The following PAAF1 variants were observed in gnomAD, a reference collection of about 807,000 sequenced individuals.
The protein encoded by PAAF1 is proteasomal ATPase-associated factor 1.
In PAAF1, 46 loss-of-function variants were observed where a neutral mutation model predicts 52.8. The observed-to-expected ratio is 0.87, with a 90% CI of 0.69 to 1.11. The LOEUF (loss-of-function observed/expected upper bound fraction) is 1.11. Among genes scored for constraint, PAAF1 ranks in the 50% most tolerant of loss-of-function variants. PAAF1 has a pLI of 0.00. For synonymous variants in PAAF1, 178 were observed against 172.8 expected (o/e 1.03, Z -0.24); for missense variants, 424 against 477.4 (o/e 0.89, Z 1.04).
At chr11:73,919,215 C>T (rs1301922655) in intron 10 of PAAF1, among the ~76,000 whole-genome samples, 183 bp downstream of exon 10, 1 of 152,224 alleles carries the variant, frequency 6.6e-6, no homozygotes, top group African/African-American at 2.4e-5. Context: ...CCAGTTCAAA[C>T]TCCTTGAGGG....
In PAAF1 at chr11:73,922,160, A is replaced by G. The variant is rs563999420; in HGVS notation, c.1019-2455A>G. On this transcript the variant is annotated intron_variant, in intron 10 of 11. Coordinates refer to ENST00000310571, the MANE Select transcript of PAAF1 (RefSeq NM_025155.3). The stretch of plus-strand genomic sequence containing the variant: ...CCATGTTTCCAATGAGTTCAGTGTC[A>G]GGATCCATGAGAGAAGAGTGGTAAG... The G allele has an allele frequency of 3.2e-5, 29 of 897,504 alleles. No individual in the cohort carries two copies. The African/African-American group carries it at 4.6e-4, about 14-fold the overall frequency. The allele number at this position is 897,504 out of a possible 1,614,324, so 55.6% of individuals were successfully genotyped here.
chr11:73,905,408 G>A (rs1418081350), intron 6 of PAAF1, among the ~76,000 whole-genome samples: 2 of 152,036 alleles, frequency 1.3e-5, no homozygotes, highest in African/African-American at 4.8e-5. Flanking sequence ...ATTTTTAGAA[G>A]AAACTGGGTT....
intron 2 of PAAF1, 85 bp downstream of exon 2, chr11:73,878,904 C>A: frequency 7.6e-7 from 1 of 1,308,428 alleles, no homozygotes; most frequent in Non-Finnish European, 1.1e-6. Context: ...TTCTCCTGGC[C>A]CAGCCTCCTT....
intron 4 of PAAF1, among the ~76,000 whole-genome samples, chr11:73,893,364 T>G (rs1197516626): frequency 6.6e-6 from 1 of 152,140 alleles, no homozygotes; most frequent in African/African-American, 2.4e-5. Flanking sequence ...AGTTATATTA[T>G]TTTTGAAATT....
At chr11:73,918,128 T>C (rs574515300) in intron 9 of PAAF1, among the ~76,000 whole-genome samples, 1 of 152,284 alleles carries the variant, frequency 6.6e-6, no homozygotes, top group Non-Finnish European at 1.5e-5. Context: ...TAGAATCCCA[T>C]GTATAGAATC....
At chr11:73,908,319 GTATATA>G (rs1949822357) in intron 6 of PAAF1, among the ~76,000 whole-genome samples, 2 of 137,028 alleles carry the variant, frequency 1.5e-5, no homozygotes, top group African/African-American at 5.3e-5. Flanking sequence ...ATATATATGT[GTATATA>G]TGTATATATA....
chr11:73,908,059 T>G (rs1464218870), intron 6 of PAAF1, among the ~76,000 whole-genome samples: 1 of 151,974 alleles, frequency 6.6e-6, no homozygotes, highest in Non-Finnish European at 1.5e-5. Flanking sequence ...TTACTATGCT[T>G]GTGGTGTCAA....
chr11:73,900,187 A>G (rs1383076253), intron 5 of PAAF1, 83 bp from the exon 6 acceptor site: 3 of 1,428,654 alleles, frequency 2.1e-6, no homozygotes, highest in Non-Finnish European at 1.9e-6. Context: ...GGTATTTCAT[A>G]TAAGGGACCA....
intron 10 of PAAF1, chr11:73,921,655 T>C: frequency 2.8e-6 from 2 of 720,670 alleles, no homozygotes; most frequent in Non-Finnish European, 5.1e-6. Flanking sequence ...CCGTGCTCCT[T>C]TCACTGTCCA....
chr11:73,889,320 T>C lies in PAAF1; in HGVS notation c.193-1792T>C, dbSNP rs893010896. On this transcript the variant is annotated intron_variant, in intron 3 of 11. Coordinates refer to ENST00000310571, the MANE Select transcript of PAAF1 (RefSeq NM_025155.3). Reference sequence around the variant, plus strand: ...ACTTTGCTAATTTGATATTGCTACATTGTTCTCTTAAACAGTAGATCTGTC... The same window carrying C: ...ACTTTGCTAATTTGATATTGCTACACTGTTCTCTTAAACAGTAGATCTGTC... 8.9e-6 allele frequency: 8 copies of C among 902,964 alleles called. No homozygotes were observed. The African/African-American group carries it at 1.4e-4, about 15-fold the overall frequency. 55.9% of individuals were successfully genotyped at this position (902,964 alleles called of 1,614,324 possible).
At chr11:73,889,157 T>C in intron 3 of PAAF1, 1 of 1,522,784 alleles carries the variant, frequency 6.6e-7, no homozygotes, top group Admixed American at 2.0e-5. Flanking sequence ...ACTTCTTTCT[T>C]CCCTTCATAC....
intron 2 of PAAF1, chr11:73,880,761 G>A (rs1012742032): frequency 6.7e-6 from 1 of 149,566 alleles, no homozygotes; most frequent in African/African-American, 2.5e-5. Flanking sequence ...CACTTTAGGA[G>A]GCTGTGGCGG....
At chr11:73,924,434 G>A (rs1036826920) in intron 10 of PAAF1, among the ~76,000 whole-genome samples, 181 bp from the exon 11 acceptor site, 4 of 151,968 alleles carry the variant, frequency 2.6e-5, no homozygotes, top group African/African-American at 4.8e-5. Context: ...CAAAAAGAAC[G>A]AAACTCTGTC....
chr11:73,891,117 C>T lies in PAAF1; in HGVS notation c.198C>T (p.Ser66=), dbSNP rs747953307. The T allele has an allele frequency of 1.3e-6, 2 of 1,581,444 alleles. No individual in the cohort carries two copies. Residue 66 remains serine (S), a synonymous_variant, in exon 4 of 12, where the codon AGC becomes AGT. Coordinates refer to ENST00000310571, the MANE Select transcript of PAAF1 (RefSeq NM_025155.3). Reference sequence around the variant, plus strand: ...ATCTTTTCCTCTTTGTTTAGAAAAGCATTCATATTTCATGTCCAAAGGAAA... The same window carrying T: ...ATCTTTTCCTCTTTGTTTAGAAAAGTATTCATATTTCATGTCCAAAGGAAA... ...GFTVNEINKK[S]IHISCPKENA... is the part of the protein sequence containing the mutation.
At chr11:73,927,245 A>T (rs1950386623) in intron 11 of PAAF1, 40 bp from the exon 12 acceptor site, 1 of 1,503,334 alleles carries the variant, frequency 6.7e-7, no homozygotes, top group Admixed American at 1.7e-5. Context: ...AAATGGAAGA[A>T]TCCCAGGCTT....
chr11:73,889,222 G>A, intron 3 of PAAF1: 4 of 1,483,712 alleles, frequency 2.7e-6, no homozygotes, highest in Non-Finnish European at 3.6e-6. Flanking sequence ...TTTTTGCTGT[G>A]AACCTGCTGA....
intron 2 of PAAF1, among the ~76,000 whole-genome samples, chr11:73,882,236 C>A (rs1393030451): frequency 6.7e-6 from 1 of 150,164 alleles, no homozygotes; most frequent in Admixed American, 6.6e-5. Flanking sequence ...GGATGGTCTC[C>A]ATCTCCTGAC....
chr11:73,877,217 T>A, intron 1 of PAAF1, 149 bp downstream of exon 1: 1 of 777,132 alleles, frequency 1.3e-6, no homozygotes, highest in Non-Finnish European at 1.9e-6. Context: ...GAAAAAGAAG[T>A]ATCAAACCCG....
chr11:73,897,123 AG>A (rs924910077), intron 4 of PAAF1, among the ~76,000 whole-genome samples: 1 of 123,070 alleles, frequency 8.1e-6, no homozygotes, highest in African/African-American at 3.1e-5. Flanking sequence ...ACTTCCCAGT[AG>A]GGGCGGCCGG....
Sources: gnomAD v4.1 joint callset for allele counts (sites outside exome capture counted in the v4.1 genomes callset) on GRCh38, gnomAD v4.1.1 for gene constraint, MANE v1.5 for transcripts, NCBI Gene and HGNC (gene_info 2026-07-23, HGNC 2026-07-21) for gene names.